The following ARFGEF3 variants were observed in gnomAD, a reference collection of about 807,000 sequenced individuals.
ARFGEF3 encodes the protein ARFGEF family member 3.
A neutral mutation model predicts 221.7 loss-of-function variants in ARFGEF3; 96 were observed. The observed-to-expected ratio is 0.43, with a 90% confidence interval of 0.37 to 0.51. The LOEUF (loss-of-function observed/expected upper bound fraction) is 0.51. ARFGEF3 is among the 20% of genes least tolerant of loss of function. ARFGEF3 has a pLI of 0.00. For synonymous variants in ARFGEF3, 1,145 were observed against 1,126.8 expected (o/e 1.02, Z -0.32); for missense variants, 2,410 against 2,789.9 (o/e 0.86, Z 3.07).
intron 7 of ARFGEF3, 51 bp from the exon 8 acceptor site, chr6:138,245,462 C>G: frequency 3.9e-6 from 5 of 1,286,966 alleles, no homozygotes; most frequent in Non-Finnish European, 5.6e-6. Context: ...TCAGGGAGCT[C>G]GTCGTGCCCC....
intron 8 of ARFGEF3, among the ~76,000 whole-genome samples, chr6:138,251,805 C>G (rs544612588): frequency 6.6e-6 from 1 of 152,228 alleles, no homozygotes; most frequent in Non-Finnish European, 1.5e-5. Context: ...TAAGAAGTTG[C>G]TCCTGCCATA....
chr6:138,301,057 A>T (rs1055320446), intron 22 of ARFGEF3, among the ~76,000 whole-genome samples: 2 of 152,254 alleles, frequency 1.3e-5, no homozygotes, highest in Non-Finnish European at 2.9e-5. Context: ...CACACACAGG[A>T]ACCCAGATAT....
intron 14 of ARFGEF3, among the ~76,000 whole-genome samples, chr6:138,281,905 A>C (rs752905825): frequency 1.3e-5 from 2 of 152,014 alleles, no homozygotes; most frequent in African/African-American, 2.4e-5. Flanking sequence ...CTTGCCCTGG[A>C]TTGGCTCTGA....
chr6:138,210,139 G>A, intron 4 of ARFGEF3, 98 bp downstream of exon 4: 1 of 1,214,072 alleles, frequency 8.2e-7, no homozygotes. Context: ...TTGTGGTCAT[G>A]CTAGCTCATC....
chr6:138,176,409 C>T (rs928073873), intron 2 of ARFGEF3, among the ~76,000 whole-genome samples: 3 of 152,108 alleles, frequency 2.0e-5, no homozygotes, highest in East Asian at 1.9e-4. Context: ...TCTCGAATGC[C>T]TGACCTCGTG....
chr6:138,334,314 G>A lies in ARFGEF3; in HGVS notation c.5468G>A (p.Cys1823Tyr), dbSNP rs376588446. The A allele has an allele frequency of 3.1e-6, 5 of 1,613,770 alleles. No individual in the cohort carries two copies. Among genetic ancestry groups the A allele is most frequent in the African/African-American group, 2.7e-5 (2 of 74,912 alleles). ...AACATTTATTTCCACGCCCTGGTGT[G>A]TGCTGTTCTCACCAATCAAGAAACC... The part of the protein sequence containing the change: ...SFNIYFHALV[C>Y]AVLTNQETIT... Residue 1823 changes from cysteine to tyrosine, a missense_variant, in exon 33 of 34, where the codon TGT becomes TAT. Transcript: ENST00000251691. This position sits in a 1 kb window ranked among gnomAD's most constrained non-coding sequence, Gnocchi z 5.1.
At chr6:138,235,252 C>T (rs1211555269) in intron 5 of ARFGEF3, among the ~76,000 whole-genome samples, 1 of 152,108 alleles carries the variant, frequency 6.6e-6, no homozygotes, top group Non-Finnish European at 1.5e-5. Flanking sequence ...TTCTGTTTAG[C>T]ATGTTATAAA....
At chr6:138,256,053 G>A (rs988778548) in intron 10 of ARFGEF3, among the ~76,000 whole-genome samples, 2 of 152,188 alleles carry the variant, frequency 1.3e-5, no homozygotes, top group African/African-American at 4.8e-5. Flanking sequence ...CCCATGCTGA[G>A]ATTTCATTCT....
intron 26 of ARFGEF3, among the ~76,000 whole-genome samples, chr6:138,316,399 A>G (rs9484141): frequency 0.17 from 26,109 of 152,124 alleles, 2,578 homozygotes; most frequent in South Asian, 0.28. Flanking sequence ...TCAAACATAT[A>G]CAAAACTTGT....
intron 21 of ARFGEF3, among the ~76,000 whole-genome samples, chr6:138,298,093 C>T (rs1779555037): frequency 6.6e-6 from 1 of 152,140 alleles, no homozygotes; most frequent in South Asian, 2.1e-4. Context: ...GTTCCACTGG[C>T]CAAAGCAACT....
chr6:138,212,294 A>G (rs1777744399), intron 4 of ARFGEF3, among the ~76,000 whole-genome samples: 2 of 152,252 alleles, frequency 1.3e-5, no homozygotes, highest in Admixed American at 6.5e-5. Flanking sequence ...TTGGGAGGCC[A>G]AGGCAGGGGG....
intron 8 of ARFGEF3, among the ~76,000 whole-genome samples, chr6:138,248,559 G>A (rs148481154): frequency 1.3e-5 from 2 of 152,180 alleles, no homozygotes; most frequent in East Asian, 1.9e-4. Flanking sequence ...TGCTAGAAAC[G>A]TGGGAGAGGC....
intron 19 of ARFGEF3, among the ~76,000 whole-genome samples, chr6:138,292,503 G>A (rs1779430660): frequency 6.6e-6 from 1 of 152,178 alleles, no homozygotes; most frequent in African/African-American, 2.4e-5. Context: ...GTTACTTATT[G>A]ATGCCCAACA....
chr6:138,207,789 A>G (rs1268480222), intron 3 of ARFGEF3, among the ~76,000 whole-genome samples: 1 of 152,206 alleles, frequency 6.6e-6, no homozygotes, highest in Non-Finnish European at 1.5e-5. Context: ...GAGTTTGTTC[A>G]GTGTGGCGAT....
At chr6:138,174,295 T>G (rs1776894334) in intron 2 of ARFGEF3, among the ~76,000 whole-genome samples, 1 of 151,940 alleles carries the variant, frequency 6.6e-6, no homozygotes, top group Non-Finnish European at 1.5e-5. Context: ...TTCCATGTTA[T>G]CATTAGGGAA....
intron 22 of ARFGEF3, among the ~76,000 whole-genome samples, chr6:138,301,701 T>C (rs1779631756): frequency 6.6e-6 from 1 of 152,132 alleles, no homozygotes; most frequent in African/African-American, 2.4e-5. Flanking sequence ...AAAGATCTCA[T>C]CAGAAAATAA....
intron 21 of ARFGEF3, among the ~76,000 whole-genome samples, chr6:138,297,396 A>G (rs1230059728): frequency 6.6e-6 from 1 of 152,230 alleles, no homozygotes; most frequent in African/African-American, 2.4e-5. Context: ...TGGTTTTCCC[A>G]ACAAAATTAA....
chr6:138,240,560 T>C (rs974734768), intron 6 of ARFGEF3, among the ~76,000 whole-genome samples: 2 of 152,212 alleles, frequency 1.3e-5, no homozygotes, highest in Admixed American at 1.3e-4. Flanking sequence ...CTGGGTATTA[T>C]GTGGCTAAAC....
rs565928505 is a variant in ARFGEF3 at position 138,171,034 on chromosome 6, C to G, written c.137+321C>G. On this transcript the variant is annotated intron_variant, in intron 2 of 33. Coordinates refer to ENST00000251691, the MANE Select transcript of ARFGEF3 (RefSeq NM_020340.5). ...TAACAAAGCCCCACTCCTGTGATAA[C>G]AGCATTCATCCATTCATGGAGCAGA... Among the ~76,000 whole-genome samples the G allele has an allele frequency of 2.0e-5, 3 of 148,726 alleles. No homozygotes were observed. The South Asian group carries it at 6.2e-4, about 31-fold the overall frequency.
Sources: allele counts gnomAD v4.1 joint callset (sites outside exome capture counted in the v4.1 genomes callset), GRCh38; gene constraint gnomAD v4.1.1; non-coding constraint Gnocchi (gnomAD v3.1); transcripts MANE v1.5; gene names NCBI Gene and HGNC (gene_info 2026-07-23, HGNC 2026-07-21).